LVRN: variants seen among roughly 807,000 people sequenced by gnomAD.
The protein encoded by LVRN is laeverin, also known as aminopeptidase Q.
Under a neutral mutation model 111.4 loss-of-function variants are expected in LVRN, and 99 were observed. The observed-to-expected ratio is 0.89, with a 90% confidence interval of 0.76 to 1.05. The LOEUF (loss-of-function observed/expected upper bound fraction) is 1.05, where lower values mean the gene tolerates loss of function less well. Among genes scored for constraint, LVRN ranks in the 50% least tolerant of loss-of-function variants. The pLI, the probability that LVRN is intolerant of heterozygous loss-of-function variation, is 0.00. For synonymous variants in LVRN, 488 were observed against 449.5 expected (o/e 1.09, Z -1.08); for missense variants, 1,414 against 1,206.8 (o/e 1.17, Z -2.54).
chr5:116,010,456 A>T, intron 13 of LVRN: 1 of 476,126 alleles, frequency 2.1e-6, no homozygotes, highest in Non-Finnish European at 4.1e-6. Context: ...TGCATACAGA[A>T]TGCATAACTC....
Position 115,995,214 on chromosome 5 carries a change from G to A in LVRN, c.1374+1360G>A, listed in dbSNP as rs138398560. Among the ~76,000 whole-genome samples the A allele has an allele frequency of 7.4e-3, 1,128 of 152,102 alleles. 13 individuals carry two copies. Among genetic ancestry groups the A allele is most frequent in the African/African-American group, 0.026 (1,076 of 41,494 alleles). ...CCTTTTTTTATGAAAATTGATAATC[G>A]ATGGTAGGTAGATGGTACTTGTTTT... On this transcript the variant is annotated intron_variant, in intron 6 of 19. Transcript: ENST00000357872.
At chr5:115,973,973 T>G (rs1162192951) in intron 1 of LVRN, among the ~76,000 whole-genome samples, 1 of 152,170 alleles carries the variant, frequency 6.6e-6, no homozygotes, top group African/African-American at 2.4e-5. Flanking sequence ...TCTTTAAACA[T>G]TTACAGAATA....
At position 116,014,418 on chromosome 5, in the gene LVRN, A is replaced by G. The variant is rs767786909; in HGVS notation, c.2343-2A>G. Reference sequence around the variant, plus strand: ...CTGTTTTTCTTTGACTTTTTCTTCAAGAATATCACTGGAAAAACTTTTTGT... The same window carrying G: ...CTGTTTTTCTTTGACTTTTTCTTCAGGAATATCACTGGAAAAACTTTTTGT... On this transcript the variant is annotated splice_acceptor_variant, in intron 15 of 19. Coordinates refer to ENST00000357872, the MANE Select transcript of LVRN (RefSeq NM_173800.5). LOFTEE classifies it high-confidence loss of function. The G allele has an allele frequency of 1.2e-6, 2 of 1,607,038 alleles. No individual in the cohort carries two copies. The highest frequency in any genetic ancestry group is 1.7e-6 in the Non-Finnish European group (2 of 1,175,220).
chr5:116,000,441 T>A lies in LVRN; in HGVS notation c.1524T>A (p.Ser508=), dbSNP rs1748214030. The A allele has an allele frequency of 6.2e-7, 1 of 1,614,056 alleles. No individual in the cohort carries two copies. Among genetic ancestry groups the A allele is most frequent in the Admixed American group, 1.7e-5 (1 of 60,006 alleles). ...AGCTTCTTTTGTCCTAGGGAGCGTC[T>A]ATGGCCCGGATGCTTTCTTGTTTCT... is the stretch of plus-strand genomic sequence containing the variant. ...FDIFTYSKGA[S]MARMLSCFLN... Residue 508 remains serine (S), a synonymous_variant, in exon 8 of 20, where the codon TCT becomes TCA. Transcript: ENST00000357872.
At chr5:116,003,098 C>G (rs746775745) in intron 11 of LVRN, 143 bp from the exon 12 acceptor site, 1 of 896,774 alleles carries the variant, frequency 1.1e-6, no homozygotes, top group Admixed American at 3.2e-5. Context: ...ATATAATTAC[C>G]TGGTAAGAGC....
chr5:115,978,346 A>G (rs1753490281), intron 1 of LVRN, among the ~76,000 whole-genome samples: 1 of 152,214 alleles, frequency 6.6e-6, no homozygotes, highest in Non-Finnish European at 1.5e-5. Flanking sequence ...GCAAAGATTC[A>G]GATCCTGTGT....
At chr5:116,014,885 C>G (rs1467642453) in intron 16 of LVRN, among the ~76,000 whole-genome samples, 2 of 152,112 alleles carry the variant, frequency 1.3e-5, no homozygotes, top group Admixed American at 1.3e-4. Flanking sequence ...CTCTCTCCAT[C>G]TCTCTCTTAG....
chr5:116,000,865 T>C (rs1229618849), intron 9 of LVRN, among the ~76,000 whole-genome samples: 2 of 152,206 alleles, frequency 1.3e-5, no homozygotes, highest in African/African-American at 2.4e-5. Flanking sequence ...TCAATAAATA[T>C]GTGTTCATAT....
At chr5:115,988,670 G>A (rs1481432414) in intron 4 of LVRN, among the ~76,000 whole-genome samples, 1 of 152,194 alleles carries the variant, frequency 6.6e-6, no homozygotes, top group African/African-American at 2.4e-5. Context: ...AAATATTTGG[G>A]AGCTTGAGCC....
intron 1 of LVRN, among the ~76,000 whole-genome samples, chr5:115,970,221 C>G (rs948385727): frequency 1.3e-5 from 2 of 152,116 alleles, no homozygotes; most frequent in African/African-American, 4.8e-5. Context: ...TCTTTATAAT[C>G]TCTCCTTTCT....
chr5:115,999,800 C>G lies in LVRN; in HGVS notation c.1413C>G (p.Leu471=). The G allele has an allele frequency of 1.2e-6, 2 of 1,613,314 alleles. No homozygotes were observed. Among genetic ancestry groups the G allele is most frequent in the Non-Finnish European group, 8.5e-7 (1 of 1,179,456 alleles). The stretch of plus-strand genomic sequence containing the variant: ...TTTCTAACATTTTACATAATATCCT[C>G]AGAGAAGATCACGCCCTGGTGACTA... ...IFFSNILHNI[L]REDHALVTRA... Residue 471 remains leucine, a synonymous_variant, in exon 7 of 20, where the codon CTC becomes CTG. Transcript: ENST00000357872.
At chr5:115,999,617 T>G in intron 6 of LVRN, 145 bp from the exon 7 acceptor site, 1 of 767,558 alleles carries the variant, frequency 1.3e-6, no homozygotes, top group East Asian at 2.8e-5. Flanking sequence ...TGACTTTATT[T>G]GGCATATTTC....
intron 2 of LVRN, 63 bp downstream of exon 2, chr5:115,983,492 T>A (rs1747767692): frequency 6.7e-7 from 1 of 1,494,296 alleles, no homozygotes; most frequent in Admixed American, 2.4e-5. Context: ...ATCACATTTA[T>A]ACCAGTAGCT....
In LVRN at chr5:116,004,666, G is replaced by T. The variant is rs766839178; in HGVS notation, c.2038-1246G>T. On this transcript the variant is annotated intron_variant, in intron 12 of 19. Coordinates refer to ENST00000357872, the MANE Select transcript of LVRN (RefSeq NM_173800.5). ...CCTTCAGTATTCCTGGAGGTGAGTG[G>T]TGGGAATGGAGGTGGAGTCTCTTCC... Among the ~76,000 whole-genome samples, 50 of 152,184 alleles carry T rather than the reference G, an allele frequency of 3.3e-4. 1 individual carries two copies. Among genetic ancestry groups the T allele is most frequent in the Non-Finnish European group, 6.0e-4 (41 of 68,038 alleles).
At chr5:115,964,123 T>A (rs1219800581) in intron 1 of LVRN, among the ~76,000 whole-genome samples, 1 of 152,236 alleles carries the variant, frequency 6.6e-6, no homozygotes, top group East Asian at 1.9e-4. Flanking sequence ...CACAATACTG[T>A]CCTCCGGCGA....
rs145336539 is a variant in LVRN, at chr5:115,963,201, C to T, written c.584C>T (p.Pro195Leu). Residue 195 changes from proline (P) to leucine (L), a missense_variant, in exon 1 of 20, where the codon CCC becomes CTC. Physicochemically the swap from Pro to Leu is moderately conservative, Grantham distance 98. Transcript: ENST00000357872. ...TACATGGTGCTGGAGCTCAGTGAGC[C>T]CCTGAAACCTGGTAGCAGCTACGAG... ...TEYMVLELSE[P>L]LKPGSSYELQ... The T allele has an allele frequency of 5.1e-3, 8,263 of 1,612,810 alleles. 48 individuals carry two copies. The highest frequency in any genetic ancestry group is 0.018 in the Admixed American group (1,077 of 59,946).
intron 3 of LVRN, among the ~76,000 whole-genome samples, chr5:115,986,136 G>A (rs1366201): frequency 0.7 from 107,194 of 152,116 alleles, 38,843 homozygotes; most frequent in East Asian, 0.94. Context: ...GATGCAAATG[G>A]CAGCTTGTTA....
chr5:115,969,781 C>G (rs1049129124), intron 1 of LVRN, among the ~76,000 whole-genome samples: 2 of 120,752 alleles, frequency 1.7e-5, no homozygotes, highest in Admixed American at 1.1e-4. Context: ...GCCTGGGCAA[C>G]AGAGCGAGAC....
chr5:115,994,097 C>G (rs1748054995), intron 6 of LVRN, among the ~76,000 whole-genome samples: 1 of 151,654 alleles, frequency 6.6e-6, no homozygotes, highest in African/African-American at 2.4e-5. Context: ...ACTTCATATT[C>G]AACTTCATAT....
Sources: gnomAD v4.1 joint callset for allele counts (sites outside exome capture counted in the v4.1 genomes callset) on GRCh38, gnomAD v4.1.1 for gene constraint, MANE v1.5 for transcripts, NCBI Gene and HGNC (gene_info 2026-07-23, HGNC 2026-07-21) for gene names.